The following RNF157 variants were observed in gnomAD, a reference collection of about 807,000 sequenced individuals.
RNF157 encodes the protein E3 ubiquitin ligase RNF157.
RNF157 carries 55 observed loss-of-function variants against 88.3 expected under a neutral mutation model. The observed-to-expected ratio is 0.62, with a 90% CI of 0.50 to 0.78. The LOEUF is 0.78. Ranked by LOEUF, RNF157 falls within the 30% of genes least tolerant of loss-of-function variation. The pLI, the probability that RNF157 is intolerant of heterozygous loss-of-function variation, is 0.00. For synonymous variants in RNF157, 334 were observed against 341.2 expected (o/e 0.98, Z 0.23); for missense variants, 788 against 860.8 (o/e 0.92, Z 1.06).
chr17:76,179,467 A>G (rs554094005), intron 2 of RNF157, among the ~76,000 whole-genome samples: 82 of 152,270 alleles, frequency 5.4e-4, no homozygotes, highest in Non-Finnish European at 1.1e-3. Flanking sequence ...CGAGGTGGGC[A>G]GATCACTTGA....
intron 1 of RNF157, among the ~76,000 whole-genome samples, chr17:76,236,022 T>A (rs912039444): frequency 6.6e-6 from 1 of 152,070 alleles, no homozygotes; most frequent in East Asian, 1.9e-4. Context: ...AAATAAATTA[T>A]TTAATTTTTT....
chr17:76,180,664 ATCT>A (rs1457556895), intron 2 of RNF157, among the ~76,000 whole-genome samples: 16 of 152,160 alleles, frequency 1.1e-4, no homozygotes, highest in Admixed American at 9.8e-4. Context: ...AGTTCAAGTG[ATCT>A]TCTCGCCTCA....
At chr17:76,155,213 T>C (rs1367611880) in intron 16 of RNF157, 39 bp downstream of exon 16, 3 of 1,582,034 alleles carry the variant, frequency 1.9e-6, no homozygotes, top group Admixed American at 1.7e-5. Context: ...ACTCCTCTGG[T>C]TGTGGGAAGG....
At chr17:76,231,080 C>T (rs1332786897) in intron 1 of RNF157, among the ~76,000 whole-genome samples, 1 of 151,880 alleles carries the variant, frequency 6.6e-6, no homozygotes, top group Non-Finnish European at 1.5e-5. Flanking sequence ...CTGGGACTAC[C>T]TCTGCCTCCT....
chr17:76,190,954 G>C (rs982551907), intron 2 of RNF157, among the ~76,000 whole-genome samples: 7 of 151,740 alleles, frequency 4.6e-5, no homozygotes, highest in Non-Finnish European at 8.8e-5. Flanking sequence ...GCTCACACCT[G>C]TAGTCCCGGC....
In RNF157 at chr17:76,182,793, G is replaced by C. The variant is rs868173271; in HGVS notation, c.208-9003C>G. ...TATATATATATATATATATATGAGAGATATATATATGAGAGAGATATATAT... is the reference window on the plus strand; with the variant it reads ...TATATATATATATATATATATGAGACATATATATATGAGAGAGATATATAT... On this transcript the variant is annotated intron_variant, in intron 2 of 18. Transcript: ENST00000269391. 1.9e-5 allele frequency among the ~76,000 whole-genome samples: 2 copies of C among 103,216 alleles called. 1 individual carries two copies. The highest frequency in any genetic ancestry group is 1.1e-4 in the African/African-American group (2 of 18,402). 67.7% of individuals were successfully genotyped at this position (103,216 alleles called of 152,430 possible). A position where few individuals can be genotyped will look rare whatever the true frequency, so the allele number is the denominator to read the frequency against.
chr17:76,213,388 G>A (rs915740940), intron 1 of RNF157, among the ~76,000 whole-genome samples: 16 of 151,800 alleles, frequency 1.1e-4, no homozygotes, highest in African/African-American at 1.7e-4. Flanking sequence ...TGGCCAACAC[G>A]GTGAAACCCC....
intron 17 of RNF157, 97 bp downstream of exon 17, chr17:76,154,186 G>A (rs1378301903): frequency 1.7e-5 from 15 of 867,024 alleles, no homozygotes; most frequent in East Asian, 4.9e-5. Flanking sequence ...ACTGAGCAGC[G>A]CCACCACGTC....
Position 76,203,605 on chromosome 17 carries a change from A to G in RNF157, c.207+8759T>C, listed in dbSNP as rs988077013. 4.6e-5 allele frequency among the ~76,000 whole-genome samples: 7 copies of G among 151,544 alleles called. No individual in the cohort carries two copies. The South Asian group carries it at 1.5e-3, about 32-fold the overall frequency. On this transcript the variant is annotated intron_variant, in intron 2 of 18. Transcript: ENST00000269391. Reference sequence around the variant, plus strand: ...GTAGTTGGGATTACGGGAACCCGCCATCATGCCTGGCTAATTTTTGTATTT... The same window carrying G: ...GTAGTTGGGATTACGGGAACCCGCCGTCATGCCTGGCTAATTTTTGTATTT...
chr17:76,177,313 C>T (rs36032105), intron 2 of RNF157, among the ~76,000 whole-genome samples: 2 of 149,938 alleles, frequency 1.3e-5, no homozygotes, highest in Non-Finnish European at 3.0e-5. Flanking sequence ...CTCCCACCCC[C>T]CCGCCCCAGC....
chr17:76,225,240 CT>C (rs2070060016), intron 1 of RNF157, among the ~76,000 whole-genome samples: 1 of 152,038 alleles, frequency 6.6e-6, no homozygotes, highest in African/African-American at 2.4e-5. Flanking sequence ...AATCCCAGCA[CT>C]TTGGGAGGCT....
intron 2 of RNF157, among the ~76,000 whole-genome samples, chr17:76,203,924 T>C (rs1156925056): frequency 1.3e-5 from 2 of 151,842 alleles, no homozygotes; most frequent in Admixed American, 6.6e-5. Context: ...CCCGCCACCA[T>C]GCTCGGCTAA....
intron 1 of RNF157, among the ~76,000 whole-genome samples, chr17:76,230,859 AGAG>A (rs145161063): frequency 1.1e-4 from 5 of 45,126 alleles, no homozygotes; most frequent in Admixed American, 2.4e-4. Context: ...AAAAAAAAAA[AGAG>A]AGAGAGAGAG....
chr17:76,223,266 C>T (rs1007412873), intron 1 of RNF157, among the ~76,000 whole-genome samples: 1 of 151,156 alleles, frequency 6.6e-6, no homozygotes, highest in Non-Finnish European at 1.5e-5. Context: ...CTGCTCGCTG[C>T]AACATCCGCC....
intron 2 of RNF157, among the ~76,000 whole-genome samples, chr17:76,199,393 A>C (rs1366874739): frequency 6.6e-6 from 1 of 151,880 alleles, no homozygotes; most frequent in African/African-American, 2.4e-5. Flanking sequence ...AGTAGCTGGG[A>C]CTATAGGCAC....
At chr17:76,165,426 A>G in intron 7 of RNF157, 76 bp downstream of exon 7, 1 of 1,491,410 alleles carries the variant, frequency 6.7e-7, no homozygotes, top group Non-Finnish European at 9.4e-7. Flanking sequence ...TCAGGCACCC[A>G]GCAAACGGGT....
intron 18 of RNF157, among the ~76,000 whole-genome samples, chr17:76,151,000 G>A (rs1395850694): frequency 1.3e-5 from 2 of 152,228 alleles, no homozygotes; most frequent in Non-Finnish European, 2.9e-5. Flanking sequence ...AAAATGATGT[G>A]AAACACAAAT....
intron 2 of RNF157, among the ~76,000 whole-genome samples, chr17:76,208,150 T>C (rs558962181): frequency 6.6e-6 from 1 of 152,168 alleles, no homozygotes; most frequent in African/African-American, 2.4e-5. Context: ...TTTCAATTTC[T>C]AGGCTCAAGA....
chr17:76,210,451 G>A (rs1371069972), intron 2 of RNF157, among the ~76,000 whole-genome samples: 1 of 151,274 alleles, frequency 6.6e-6, no homozygotes, highest in Non-Finnish European at 1.5e-5. Context: ...TTAGCCGGGT[G>A]TAGTGGCGGG....
Sources: gnomAD v4.1 joint callset for allele counts (sites outside exome capture counted in the v4.1 genomes callset) on GRCh38, gnomAD v4.1.1 for gene constraint, MANE v1.5 for transcripts, NCBI Gene and HGNC (gene_info 2026-07-23, HGNC 2026-07-21) for gene names.